The following SBK1 variants were observed in gnomAD, a reference collection of about 807,000 sequenced individuals.
The protein encoded by SBK1 is SH3 domain binding kinase 1.
In SBK1, 11 loss-of-function variants were observed where a neutral mutation model predicts 24.4. The ratio of observed to expected loss-of-function variants is 0.45; its 90% CI spans 0.28 to 0.75. The LOEUF (loss-of-function observed/expected upper bound fraction) is 0.75, where lower values mean the gene tolerates loss of function less well. SBK1 is among the 30% of genes least tolerant of loss of function. SBK1 has a pLI of 0.12. For synonymous variants in SBK1, 308 were observed against 284.4 expected (o/e 1.08, Z -0.83); for missense variants, 467 against 620.5 (o/e 0.75, Z 2.63).
chr16:28,315,501 CTG>C (rs2044788431), intron 1 of SBK1, among the ~76,000 whole-genome samples: 1 of 152,184 alleles, frequency 6.6e-6, no homozygotes, highest in Admixed American at 6.5e-5. Context: ...GTGGCTCACG[CTG>C]TAGTCCCAGC....
chr16:28,287,978 T>C (rs889654855), upstream of SBK1, among the ~76,000 whole-genome samples: 18 of 152,098 alleles, frequency 1.2e-4, no homozygotes, highest in African/African-American at 4.1e-4. Flanking sequence ...TTCCATCCTC[T>C]GAGAAGCAGG....
intron 1 of SBK1, among the ~76,000 whole-genome samples, chr16:28,276,753 C>A (rs957114368): frequency 3.3e-5 from 5 of 152,006 alleles, no homozygotes; most frequent in Non-Finnish European, 7.4e-5. Flanking sequence ...CAACCTCCGC[C>A]TCCCGGGTTC....
intron 1 of SBK1, among the ~76,000 whole-genome samples, chr16:28,274,917 G>T (rs1009465748): frequency 6.6e-6 from 1 of 152,146 alleles, no homozygotes; most frequent in Non-Finnish European, 1.5e-5. Context: ...AAAGTGGGAG[G>T]TTGGTAAGGA....
chr16:28,289,838 C>T (rs950985886), upstream of SBK1, among the ~76,000 whole-genome samples: 7 of 151,442 alleles, frequency 4.6e-5, no homozygotes, highest in Non-Finnish European at 7.4e-5. Context: ...GCAATCCCAG[C>T]GCTTTGGGAG....
chr16:28,267,908 G>A (rs189243087), intron 1 of SBK1, among the ~76,000 whole-genome samples: 158 of 152,320 alleles, frequency 1.0e-3, no homozygotes, highest in African/African-American at 3.6e-3. Flanking sequence ...AGCGCTTTGG[G>A]AGGCTGAACT....
rs2044867546 is a variant in SBK1, at chr16:28,322,950, C to A, written c.*2029C>A. 7.4e-6 allele frequency: 1 copy of A among 134,470 alleles called. No individual in the cohort carries two copies. The highest frequency in any genetic ancestry group is 3.0e-5 in the African/African-American group (1 of 32,834). 8.3% of individuals were successfully genotyped at this position (134,470 alleles called of 1,614,324 possible). A position where few individuals can be genotyped will look rare whatever the true frequency, so the allele number is the denominator to read the frequency against. ...TCTCTCCCTCTCTCTCTCTCTCTCT[C>A]TCTCTCTCTCTCTCTCTCTCTCTCT... is the stretch of plus-strand genomic sequence containing the variant. On this transcript the variant is annotated 3_prime_UTR_variant, in exon 4 of 4. Transcript: ENST00000341901.
intron 1 of SBK1, among the ~76,000 whole-genome samples, chr16:28,299,628 CCCACCCCCT>C (rs1448848519): frequency 6.6e-6 from 1 of 152,176 alleles, no homozygotes; most frequent in Non-Finnish European, 1.5e-5. Flanking sequence ...CTAAGCTTCC[CCCACCCCCT>C]CCTCAGCCCC....
chr16:28,282,994 G>C (rs1422671216), intron 1 of SBK1, among the ~76,000 whole-genome samples: 1 of 152,050 alleles, frequency 6.6e-6, no homozygotes, highest in Non-Finnish European at 1.5e-5. Context: ...GTGCAGTGGC[G>C]TGATCTCGGC....
chr16:28,276,161 T>A (rs1336323792), intron 1 of SBK1, among the ~76,000 whole-genome samples: 1 of 151,902 alleles, frequency 6.6e-6, no homozygotes, highest in Non-Finnish European at 1.5e-5. Flanking sequence ...CCACGGTTTG[T>A]TTGAGGAGAG....
At chr16:28,291,383 GC>G (rs2044597585), upstream of SBK1, 1 of 151,966 alleles carries the variant, frequency 6.6e-6, no homozygotes, top group Non-Finnish European at 1.5e-5. Context: ...GGGAGGGATA[GC>G]ATTAGGAGAT....
intron 1 of SBK1, among the ~76,000 whole-genome samples, chr16:28,261,601 G>A (rs1188344011): frequency 6.6e-6 from 1 of 152,158 alleles, no homozygotes; most frequent in Non-Finnish European, 1.5e-5. Context: ...CTGCACTCCA[G>A]CCTAGGCGAC....
At chr16:28,298,020 C>T (rs2141579018) in intron 1 of SBK1, among the ~76,000 whole-genome samples, 1 of 152,308 alleles carries the variant, frequency 6.6e-6, no homozygotes, top group South Asian at 2.1e-4. Context: ...ACGTGAGGCG[C>T]CTGCTGCCTT....
At chr16:28,296,736 A>T (rs1469066197) in intron 1 of SBK1, among the ~76,000 whole-genome samples, 2 of 152,082 alleles carry the variant, frequency 1.3e-5, no homozygotes, top group Non-Finnish European at 2.9e-5. Flanking sequence ...TTACCCCTGA[A>T]CTAGTGACAT....
chr16:28,277,792 C>G (rs911179910), intron 1 of SBK1, among the ~76,000 whole-genome samples: 3 of 152,230 alleles, frequency 2.0e-5, no homozygotes, highest in Non-Finnish European at 4.4e-5. Flanking sequence ...CCCTCGAGAA[C>G]CAGATAGAAC....
chr16:28,294,792 C>G (rs1031845236), intron 1 of SBK1, among the ~76,000 whole-genome samples: 1 of 152,210 alleles, frequency 6.6e-6, no homozygotes, highest in Non-Finnish European at 1.5e-5. Context: ...CAGCTGGAGA[C>G]GAGGGTAGGG....
chr16:28,291,196 T>C (rs2044596568), upstream of SBK1: 1 of 152,238 alleles, frequency 6.6e-6, no homozygotes, highest in South Asian at 2.1e-4. Context: ...GATGAGTTCA[T>C]GTCCTTTGTA....
upstream of SBK1, among the ~76,000 whole-genome samples, chr16:28,288,598 GC>G (rs2044580705): frequency 1.3e-5 from 2 of 152,328 alleles, no homozygotes; most frequent in South Asian, 4.1e-4. Flanking sequence ...GCCTTGGCAG[GC>G]CTTGGTGGGT....
upstream of SBK1, among the ~76,000 whole-genome samples, chr16:28,287,943 C>T (rs2044576775): frequency 6.6e-6 from 1 of 152,140 alleles, no homozygotes; most frequent in Non-Finnish European, 1.5e-5. Context: ...CACTTCTGTG[C>T]CTCTCTTCAG....
At chr16:28,305,552 T>G (rs1367044513) in intron 1 of SBK1, among the ~76,000 whole-genome samples, 3 of 148,970 alleles carry the variant, frequency 2.0e-5, no homozygotes, top group Admixed American at 1.3e-4. Context: ...TTTTTTTTTT[T>G]AGAGAGACTT....
Sources: gnomAD v4.1 joint callset for allele counts (sites outside exome capture counted in the v4.1 genomes callset) on GRCh38, gnomAD v4.1.1 for gene constraint, MANE v1.5 for transcripts, NCBI Gene and HGNC (gene_info 2026-07-23, HGNC 2026-07-21) for gene names.